The following TRPC4AP variants were observed in gnomAD, a reference collection of about 807,000 sequenced individuals.
The protein encoded by TRPC4AP is short transient receptor potential channel 4-associated protein.
A neutral mutation model predicts 99.0 loss-of-function variants in TRPC4AP; 45 were observed. The observed-to-expected ratio is 0.45, with a 90% CI of 0.36 to 0.58. The LOEUF (loss-of-function observed/expected upper bound fraction) is 0.58, where lower values mean the gene tolerates loss of function less well. Among genes scored for constraint, TRPC4AP ranks in the 20% least tolerant of loss-of-function variants. TRPC4AP has a pLI of 0.00. For missense variants in TRPC4AP, 879 were observed against 985.3 expected (o/e 0.89, Z 1.44); for synonymous variants, 408 against 385.8 (o/e 1.06, Z -0.67).
intron 7 of TRPC4AP, among the ~76,000 whole-genome samples, chr20:35,038,677 T>C (rs1224477039): frequency 6.6e-6 from 1 of 152,142 alleles, no homozygotes; most frequent in Admixed American, 6.5e-5. Context: ...GAAGGACGTT[T>C]AAGAAACTGG....
intron 9 of TRPC4AP, among the ~76,000 whole-genome samples, chr20:35,018,604 GAAAAAAAA>G (rs11479211): frequency 1.9e-4 from 17 of 88,942 alleles, no homozygotes; most frequent in East Asian, 1.8e-3. Flanking sequence ...CTCAAAAAAA[GAAAAAAAA>G]AAAAAAAAAA....
chr20:35,038,744 A>T (rs1242640917), intron 7 of TRPC4AP, among the ~76,000 whole-genome samples: 2 of 147,740 alleles, frequency 1.4e-5, no homozygotes, highest in Non-Finnish European at 3.0e-5. Flanking sequence ...TGTATCATTT[A>T]AAAAAAATTT....
chr20:35,092,560 CGCCAGCT>C, intron 1 of TRPC4AP, 47 bp downstream of exon 1: 21 of 1,408,528 alleles, frequency 1.5e-5, no homozygotes, highest in East Asian at 3.0e-5. Context: ...CCCGGCCCCC[CGCCAGCT>C]CCCGCCTGGT....
chr20:35,054,853 G>A (rs1490403565), intron 5 of TRPC4AP, 123 bp downstream of exon 5: 1 of 811,592 alleles, frequency 1.2e-6, no homozygotes, highest in Non-Finnish European at 1.9e-6. Flanking sequence ...CATAAAATAA[G>A]CCCGATTCCC....
chr20:35,037,641 T>C (rs1184164332), intron 7 of TRPC4AP, among the ~76,000 whole-genome samples: 1 of 152,176 alleles, frequency 6.6e-6, no homozygotes, highest in African/African-American at 2.4e-5. Flanking sequence ...TTATGCCAAG[T>C]GAAAGAAACC....
At chr20:35,076,450 T>C (rs1372634826) in intron 2 of TRPC4AP, among the ~76,000 whole-genome samples, 1 of 152,194 alleles carries the variant, frequency 6.6e-6, no homozygotes, top group Non-Finnish European at 1.5e-5. Context: ...TTGGTGTGGA[T>C]GTCCTTTCTG....
At chr20:35,003,669 C>T in intron 17 of TRPC4AP, 53 bp from the exon 18 acceptor site, 1 of 1,560,424 alleles carries the variant, frequency 6.4e-7, no homozygotes, top group Non-Finnish European at 8.7e-7. Context: ...CCCAGTGGCC[C>T]CTGGTGAACC....
intron 6 of TRPC4AP, among the ~76,000 whole-genome samples, chr20:35,045,440 A>G (rs1342564060): frequency 6.6e-6 from 1 of 152,166 alleles, no homozygotes; most frequent in Non-Finnish European, 1.5e-5. Context: ...GTGTCATCAT[A>G]GCTTACTGCA....
intron 8 of TRPC4AP, among the ~76,000 whole-genome samples, chr20:35,027,026 CTTTAA>C (rs144571525): frequency 0.052 from 7,967 of 152,048 alleles, 682 homozygotes; most frequent in African/African-American, 0.18. Context: ...ATTTGCATGC[CTTTAA>C]TTTCTTTTTC....
chr20:35,029,092 A>G (rs1432741530), intron 8 of TRPC4AP, among the ~76,000 whole-genome samples: 5 of 152,152 alleles, frequency 3.3e-5, no homozygotes, highest in Non-Finnish European at 7.4e-5. Flanking sequence ...TACTAAAAAC[A>G]CACACAAAAA....
intron 17 of TRPC4AP, 26 bp from the exon 18 acceptor site, chr20:35,003,642 C>T: frequency 6.2e-7 from 1 of 1,604,066 alleles, no homozygotes; most frequent in African/African-American, 1.3e-5. Flanking sequence ...CCCACAGGGT[C>T]AGGGGCTGGT....
intron 9 of TRPC4AP, among the ~76,000 whole-genome samples, chr20:35,019,024 A>G (rs1191226324): frequency 6.6e-6 from 1 of 152,258 alleles, no homozygotes; most frequent in Non-Finnish European, 1.5e-5. Context: ...GAAACTTGAC[A>G]GCACATGGGG....
intron 2 of TRPC4AP, among the ~76,000 whole-genome samples, chr20:35,074,205 C>G (rs1431697271): frequency 9.9e-5 from 15 of 151,986 alleles, no homozygotes; most frequent in Admixed American, 9.8e-4. Context: ...TTTTGTTGAT[C>G]TTTTCGAAAA....
At position 35,049,943 on chromosome 20, in the gene TRPC4AP, G is replaced by A. The variant is rs1382735088; in HGVS notation, c.580C>T (p.Leu194=). ...LAEKNDFVIF[L]FTLMTSKKTF... Reference sequence around the variant, plus strand: ...TTCTTACTTGTCATCAATGTAAACAGGAAGATCACAAAGTCATTCTTTTCT... The same window carrying A: ...TTCTTACTTGTCATCAATGTAAACAAGAAGATCACAAAGTCATTCTTTTCT... The change falls in exon 6 of 19, where the codon CTG becomes TTG. Residue 194 remains leucine, a synonymous_variant. Transcript: ENST00000252015. 2 of 1,613,996 alleles carry A rather than the reference G, an allele frequency of 1.2e-6. No individual in the cohort carries two copies. Among genetic ancestry groups the A allele is most frequent in the East Asian group, 4.5e-5 (2 of 44,868 alleles).
intron 17 of TRPC4AP, 147 bp downstream of exon 17, chr20:35,004,311 C>T: frequency 1.4e-6 from 1 of 691,818 alleles, no homozygotes; most frequent in Non-Finnish European, 2.5e-6. Flanking sequence ...CAATGGGACA[C>T]TGATTCCTCC....
At chr20:35,019,987 C>T (rs1452901340) in intron 9 of TRPC4AP, among the ~76,000 whole-genome samples, 1 of 152,202 alleles carries the variant, frequency 6.6e-6, no homozygotes, top group African/African-American at 2.4e-5. Flanking sequence ...CCACCCCTTA[C>T]CTGCTAGTCT....
intron 3 of TRPC4AP, among the ~76,000 whole-genome samples, chr20:35,068,984 A>AAAACAAC (rs144241228): frequency 7.1e-6 from 1 of 140,174 alleles, no homozygotes; most frequent in African/African-American, 2.9e-5. Context: ...CACACAAAAA[A>AAAACAAC]AACAAAACAT....
At chr20:35,084,662 A>G (rs999841882) in intron 1 of TRPC4AP, among the ~76,000 whole-genome samples, 27 of 128,412 alleles carry the variant, frequency 2.1e-4, no homozygotes, top group African/African-American at 7.7e-4. Flanking sequence ...ATATGCATAT[A>G]TGTGTATATG....
intron 1 of TRPC4AP, 37 bp from the exon 2 acceptor site, chr20:35,078,211 T>A (rs751525958): frequency 9.4e-6 from 15 of 1,600,250 alleles, no homozygotes; most frequent in Non-Finnish European, 1.3e-5. Flanking sequence ...ATTATTGTAT[T>A]ATTGATGATA....
Sources: gnomAD v4.1 joint callset for allele counts (sites outside exome capture counted in the v4.1 genomes callset) on GRCh38, gnomAD v4.1.1 for gene constraint, MANE v1.5 for transcripts, NCBI Gene and HGNC (gene_info 2026-07-23, HGNC 2026-07-21) for gene names.